Variants in SORCS1 observed in about 807,000 individuals in gnomAD.
SORCS1 encodes VPS10 domain-containing receptor SorCS1.
In SORCS1, 60 loss-of-function variants were observed where a neutral mutation model predicts 146.1. The ratio of observed to expected loss-of-function variants is 0.41; its 90% confidence interval spans 0.33 to 0.51. The LOEUF is 0.51. SORCS1 is among the 20% of genes least tolerant of loss of function. The pLI, the probability that SORCS1 is intolerant of heterozygous loss-of-function variation, is 0.21. For synonymous variants in SORCS1, 637 were observed against 584.0 expected (o/e 1.09, Z -1.31); for missense variants, 1,352 against 1,487.6 (o/e 0.91, Z 1.50).
At chr10:106,654,755 C>T (rs1340664964) in intron 17 of SORCS1, among the ~76,000 whole-genome samples, 1 of 152,222 alleles carries the variant, frequency 6.6e-6, no homozygotes, top group Middle Eastern at 3.2e-3. Context: ...AACACCTAGC[C>T]TATGAGGGGG....
intron 2 of SORCS1, among the ~76,000 whole-genome samples, chr10:106,860,121 G>C (rs1589572953): frequency 6.6e-6 from 1 of 152,222 alleles, no homozygotes; most frequent in East Asian, 1.9e-4. Flanking sequence ...AAATATAAGA[G>C]AGATTAGTGA....
At chr10:106,639,300 G>C in intron 18 of SORCS1, among the ~76,000 whole-genome samples, 1 of 152,208 alleles carries the variant, frequency 6.6e-6, no homozygotes, top group East Asian at 1.9e-4. Flanking sequence ...CAAGTAGGCA[G>C]ACTAGGAGAT....
rs189889130 is a variant in SORCS1 at position 106,899,552 on chromosome 10, A to G, written c.626+56961T>C. On this transcript the variant is annotated intron_variant, in intron 2 of 25. Transcript: ENST00000263054. ...ATCTCACTTACTTCCTTTTCATTCC[A>G]CCTGTTTACTATTACTTAAATCCAT... 3.2e-5 allele frequency among the ~76,000 whole-genome samples: 4 copies of G among 126,776 alleles called. No individual in the cohort carries two copies. The East Asian group carries it at 9.5e-4, about 30-fold the overall frequency. 83.2% of individuals were successfully genotyped at this position (126,776 alleles called of 152,430 possible). A position where few individuals can be genotyped will look rare whatever the true frequency, so the allele number is the denominator to read the frequency against.
intron 6 of SORCS1, among the ~76,000 whole-genome samples, chr10:106,717,432 G>T (rs1192343465): frequency 6.6e-6 from 1 of 152,226 alleles, no homozygotes; most frequent in Non-Finnish European, 1.5e-5. Flanking sequence ...TCTACACAGA[G>T]GACAAGATAC....
At chr10:106,788,835 A>G (rs866129394) in intron 3 of SORCS1, among the ~76,000 whole-genome samples, 6 of 152,186 alleles carry the variant, frequency 3.9e-5, no homozygotes, top group South Asian at 2.1e-4. Context: ...CTCTTCTTAC[A>G]GCACCAATAG....
At chr10:106,891,308 A>G (rs977469649) in intron 2 of SORCS1, among the ~76,000 whole-genome samples, 2 of 152,092 alleles carry the variant, frequency 1.3e-5, no homozygotes, top group Non-Finnish European at 2.9e-5. Context: ...CCCCTTAGAA[A>G]TCTGAAGAAA....
intron 1 of SORCS1, among the ~76,000 whole-genome samples, chr10:107,082,681 C>CG (rs1963421711): frequency 2.0e-5 from 3 of 152,046 alleles, no homozygotes; most frequent in Admixed American, 2.0e-4. Context: ...CGGGTTTCAC[C>CG]ATGTTGGCCA....
At chr10:106,920,571 T>C (rs943221396) in intron 2 of SORCS1, among the ~76,000 whole-genome samples, 1 of 152,128 alleles carries the variant, frequency 6.6e-6, no homozygotes, top group African/African-American at 2.4e-5. Flanking sequence ...GGCTGCCACC[T>C]GCACTGCAGA....
At chr10:106,810,154 G>C (rs1353372023) in intron 3 of SORCS1, among the ~76,000 whole-genome samples, 1 of 152,160 alleles carries the variant, frequency 6.6e-6, no homozygotes, top group Admixed American at 6.5e-5. Context: ...CTGGGAGGCA[G>C]AGGTTGCAGT....
intron 1 of SORCS1, among the ~76,000 whole-genome samples, chr10:106,983,357 T>C (rs1956321724): frequency 1.3e-5 from 2 of 151,574 alleles, no homozygotes; most frequent in Admixed American, 1.3e-4. Context: ...TATTCTGATA[T>C]ATATATAGTT....
rs371188018 is a variant in SORCS1 at position 106,943,583 on chromosome 10, G to A, written c.626+12930C>T. Among the ~76,000 whole-genome samples the A allele has an allele frequency of 1.9e-4, 29 of 152,084 alleles. No individual in the cohort carries two copies. In the South Asian group the frequency reaches 2.9e-3, roughly 15 times the overall value. ...AGCGCTTTGGGAGGCCGAGGTGGCC[G>A]GATCATGAGGTCAGGAGATCAAGAC... On this transcript the variant is annotated intron_variant, in intron 2 of 25. Transcript: ENST00000263054.
chr10:107,056,816 A>C (rs891196684), intron 1 of SORCS1, among the ~76,000 whole-genome samples: 1 of 152,254 alleles, frequency 6.6e-6, no homozygotes, highest in African/African-American at 2.4e-5. Flanking sequence ...ATAATTTTAC[A>C]GTAAATAACC....
intron 5 of SORCS1, among the ~76,000 whole-genome samples, chr10:106,753,152 CT>C (rs1858384596): frequency 6.6e-6 from 1 of 151,778 alleles, no homozygotes; most frequent in Non-Finnish European, 1.5e-5. Flanking sequence ...GTTTTATGCT[CT>C]TTCTCTCCTT....
intron 24 of SORCS1, among the ~76,000 whole-genome samples, chr10:106,592,666 C>A (rs75844901): frequency 6.8e-6 from 1 of 148,134 alleles, no homozygotes; most frequent in Non-Finnish European, 1.5e-5. Context: ...AACAATGGTT[C>A]TTTTTTTTTT....
At chr10:106,704,428 A>C (rs907548482) in intron 8 of SORCS1, among the ~76,000 whole-genome samples, 1 of 152,214 alleles carries the variant, frequency 6.6e-6, no homozygotes, top group African/African-American at 2.4e-5. Context: ...TCAGTGGCTC[A>C]CACCTGTAAT....
At chr10:107,097,396 T>G (rs943114534) in intron 1 of SORCS1, among the ~76,000 whole-genome samples, 2 of 152,216 alleles carry the variant, frequency 1.3e-5, no homozygotes, top group Non-Finnish European at 2.9e-5. Flanking sequence ...TCATTTCCAT[T>G]TCTTTCCAGG....
chr10:106,791,790 T>C (rs1670885577), intron 3 of SORCS1, among the ~76,000 whole-genome samples: 1 of 152,214 alleles, frequency 6.6e-6, no homozygotes, highest in Admixed American at 6.5e-5. Context: ...TAACTGGAAG[T>C]GCCTATCGCA....
chr10:106,769,739 A>G (rs1050249858), intron 4 of SORCS1, among the ~76,000 whole-genome samples: 2 of 152,138 alleles, frequency 1.3e-5, no homozygotes, highest in Non-Finnish European at 2.9e-5. Context: ...TTCCTTTTCT[A>G]TCACCATATG....
At chr10:106,641,694 C>A (rs1849078568) in intron 18 of SORCS1, among the ~76,000 whole-genome samples, 1 of 152,086 alleles carries the variant, frequency 6.6e-6, no homozygotes, top group Non-Finnish European at 1.5e-5. Context: ...GTGGGAACTG[C>A]AATCAGGAGT....
Sources: gnomAD v4.1 joint callset for allele counts (sites outside exome capture counted in the v4.1 genomes callset) on GRCh38, gnomAD v4.1.1 for gene constraint, MANE v1.5 for transcripts, NCBI Gene and HGNC (gene_info 2026-07-23, HGNC 2026-07-21) for gene names.